The following MPPED2 variants were observed in gnomAD, a reference collection of about 807,000 sequenced individuals.
MPPED2 encodes metallophosphoesterase domain containing 2.
In MPPED2, 5 loss-of-function variants were observed where a neutral mutation model predicts 33.0. The observed-to-expected ratio is 0.15, with a 90% CI of 0.08 to 0.32. The LOEUF (loss-of-function observed/expected upper bound fraction) is 0.32. Ranked by LOEUF, MPPED2 falls within the 10% of genes least tolerant of loss-of-function variation. The pLI is 1.00. For missense variants in MPPED2, 275 were observed against 372.1 expected (o/e 0.74, Z 2.15); for synonymous variants, 136 against 141.9 (o/e 0.96, Z 0.29).
intron 4 of MPPED2, among the ~76,000 whole-genome samples, chr11:30,461,917 T>C (rs1950530530): frequency 6.6e-6 from 1 of 152,196 alleles, no homozygotes; most frequent in Non-Finnish European, 1.5e-5. Flanking sequence ...TGTGTAAACA[T>C]TGAGGCAGAG....
chr11:30,578,144 G>A (rs1957009910), intron 2 of MPPED2, among the ~76,000 whole-genome samples: 1 of 152,162 alleles, frequency 6.6e-6, no homozygotes, highest in Admixed American at 6.5e-5. Flanking sequence ...AGGCTTAAGT[G>A]GAGGAACCTA....
In MPPED2 at chr11:30,397,429, C is replaced by T. The variant is rs534604703; in HGVS notation, c.767-8473G>A. On this transcript the variant is annotated intron_variant, in intron 6 of 6. Coordinates refer to the MPPED2 transcript ENST00000448418. ...TTTGCTGTTAAATTTGGTTGATATT[C>T]GTTGACTTCGTAATCATTAGGACTC... is the stretch of plus-strand genomic sequence containing the variant. Among the ~76,000 whole-genome samples, 10 of 152,128 alleles carry T rather than the reference C, an allele frequency of 6.6e-5. No individual in the cohort carries two copies. In the South Asian group the frequency reaches 1.9e-3, roughly 28 times the overall value.
chr11:30,453,566 T>A lies in MPPED2; in HGVS notation c.537-35933A>T, dbSNP rs566599587. On this transcript the variant is annotated intron_variant, in intron 4 of 6. Transcript: ENST00000358117. ...CTACGTACCTACTTCTGGCTGCGTA[T>A]GGAGACGTTCTCTCTGAATTCATTT... Among the ~76,000 whole-genome samples the A allele has an allele frequency of 2.0e-5, 3 of 152,358 alleles. No individual in the cohort carries two copies. In the South Asian group the frequency reaches 6.2e-4, roughly 32 times the overall value.
At position 30,419,188 on chromosome 11, in the gene MPPED2, C is replaced by T. The variant is rs12281015; in HGVS notation, c.537-1555G>A. 6.6e-3 allele frequency among the ~76,000 whole-genome samples: 1,011 copies of T among 152,212 alleles called. 8 individuals are homozygous for T. The highest frequency in any genetic ancestry group is 0.023 in the African/African-American group (968 of 41,530). The stretch of plus-strand genomic sequence containing the variant: ...TTTATTTGTATTAACTCATTTAAGC[C>T]TCGCAGCAAACTCATGAGGTGGGCA... On this transcript the variant is annotated intron_variant, in intron 4 of 6. Coordinates refer to ENST00000358117, the MANE Select transcript of MPPED2 (RefSeq NM_001584.3).
intron 2 of MPPED2, among the ~76,000 whole-genome samples, chr11:30,538,624 G>A (rs1954935943): frequency 6.6e-6 from 1 of 152,100 alleles, no homozygotes; most frequent in Admixed American, 6.6e-5. Flanking sequence ...AGAGGGGACA[G>A]TAAAAATGGG....
chr11:30,517,026 C>CA (rs1261290212), intron 3 of MPPED2, among the ~76,000 whole-genome samples: 1 of 151,842 alleles, frequency 6.6e-6, no homozygotes. Flanking sequence ...AAAACAACAA[C>CA]AAAAAAAGGA....
At chr11:30,521,147 T>C (rs1953854455) in intron 3 of MPPED2, among the ~76,000 whole-genome samples, 1 of 152,124 alleles carries the variant, frequency 6.6e-6, no homozygotes, top group South Asian at 2.1e-4. Flanking sequence ...TGGGGGGAGA[T>C]TTAGGAAACC....
chr11:30,537,240 T>TA (rs570664004), intron 2 of MPPED2, among the ~76,000 whole-genome samples: 2 of 152,306 alleles, frequency 1.3e-5, no homozygotes, highest in African/African-American at 4.8e-5. Context: ...AATTTCTCTG[T>TA]AGGAATGTAC....
intron 4 of MPPED2, among the ~76,000 whole-genome samples, chr11:30,436,029 A>G (rs1363668857): frequency 7.1e-6 from 1 of 140,846 alleles, no homozygotes; most frequent in Non-Finnish European, 1.5e-5. Context: ...TCCTCTGGCT[A>G]TTAGTGTTAA....
chr11:30,389,893 A>G (rs76472509), intron 6 of MPPED2, among the ~76,000 whole-genome samples: 71 of 152,322 alleles, frequency 4.7e-4, no homozygotes, highest in Admixed American at 2.9e-3. Flanking sequence ...TCAGAGTACA[A>G]GTTAATGGTC....
intron 3 of MPPED2, among the ~76,000 whole-genome samples, chr11:30,524,025 T>C (rs1590707299): frequency 6.6e-6 from 1 of 151,878 alleles, no homozygotes; most frequent in Non-Finnish European, 1.5e-5. Flanking sequence ...CTGAGGCAGG[T>C]GGATCACCTG....
chr11:30,472,422 G>A (rs768143195), intron 4 of MPPED2, among the ~76,000 whole-genome samples: 6 of 152,118 alleles, frequency 3.9e-5, no homozygotes, highest in Non-Finnish European at 7.3e-5. Context: ...GACCTTAGTT[G>A]CAGTTTAGGA....
At chr11:30,536,719 G>A (rs550194771) in intron 2 of MPPED2, among the ~76,000 whole-genome samples, 1 of 151,250 alleles carries the variant, frequency 6.6e-6, no homozygotes, top group African/African-American at 2.4e-5. Context: ...GTATCTTCTG[G>A]TTTTTGCTAT....
chr11:30,424,748 C>T (rs1171940601), intron 4 of MPPED2, among the ~76,000 whole-genome samples: 1 of 152,184 alleles, frequency 6.6e-6, no homozygotes, highest in East Asian at 1.9e-4. Context: ...ACCCCCAACT[C>T]CCAAGTCCCT....
chr11:30,407,803 G>A (rs1413499676), downstream of MPPED2, among the ~76,000 whole-genome samples: 1 of 152,164 alleles, frequency 6.6e-6, no homozygotes, highest in Non-Finnish European at 1.5e-5. Context: ...CCCAGAAGGC[G>A]GAGGTTGCAG....
Position 30,411,110 on chromosome 11 carries a change from A to G in MPPED2, c.*358T>C. On this transcript the variant is annotated 3_prime_UTR_variant, in exon 7 of 7. Coordinates refer to ENST00000358117, the MANE Select transcript of MPPED2 (RefSeq NM_001584.3). ...TGTGCAAATCTGTGTTGGTTTTTAA[A>G]ACACTGCCTGTTTCTTATTTTTTTT... 1 of 991,874 alleles carries G rather than the reference A, an allele frequency of 1.0e-6. No individual in the cohort carries two copies. The highest frequency in any genetic ancestry group is 1.2e-6 in the Non-Finnish European group (1 of 833,886). 61.4% of individuals were successfully genotyped at this position (991,874 alleles called of 1,614,324 possible).
In MPPED2 at chr11:30,462,796, A is replaced by G. The variant is rs1275975130; in HGVS notation, c.536+32500T>C. Among the ~76,000 whole-genome samples, 4 of 152,266 alleles carry G rather than the reference A, an allele frequency of 2.6e-5. No homozygotes were observed. The East Asian group carries it at 7.7e-4, about 29-fold the overall frequency. The stretch of plus-strand genomic sequence containing the variant: ...AAGTAAATAGATGTATTTATTATCC[A>G]CATGGCAAAAAGTATGGAAAAGGGC... On this transcript the variant is annotated intron_variant, in intron 4 of 6. Coordinates refer to ENST00000358117, the MANE Select transcript of MPPED2 (RefSeq NM_001584.3).
At chr11:30,409,359 T>C (rs1018981098), downstream of MPPED2, among the ~76,000 whole-genome samples, 2 of 152,190 alleles carry the variant, frequency 1.3e-5, no homozygotes, top group Admixed American at 6.5e-5. Flanking sequence ...TTTCGGTCCA[T>C]GTTAGCTGCA....
intron 4 of MPPED2, among the ~76,000 whole-genome samples, chr11:30,426,390 AT>A (rs34829065): frequency 0.21 from 32,618 of 152,018 alleles, 5,419 homozygotes; most frequent in African/African-American, 0.47. Flanking sequence ...TGCAGAATTC[AT>A]TTTTTTTATC....
Sources: gnomAD v4.1 joint callset for allele counts (sites outside exome capture counted in the v4.1 genomes callset) on GRCh38, gnomAD v4.1.1 for gene constraint, MANE v1.5 for transcripts, NCBI Gene and HGNC (gene_info 2026-07-23, HGNC 2026-07-21) for gene names.